Variants in PBX3 observed in about 807,000 individuals in gnomAD.
PBX3 encodes the protein PBX homeobox 3.
A neutral mutation model predicts 48.5 loss-of-function variants in PBX3; 14 were observed. The ratio of observed to expected loss-of-function variants is 0.29; its 90% CI spans 0.19 to 0.45. The LOEUF (loss-of-function observed/expected upper bound fraction) is 0.45, where lower values mean the gene tolerates loss of function less well. Ranked by LOEUF, PBX3 falls within the 20% of genes least tolerant of loss-of-function variation. PBX3 has a pLI of 1.00. For missense variants in PBX3, 386 were observed against 546.7 expected (o/e 0.71, Z 2.93); for synonymous variants, 210 against 200.3 (o/e 1.05, Z -0.41).
At chr9:125,833,891 C>T (rs547111054) in intron 2 of PBX3, among the ~76,000 whole-genome samples, 26 of 152,256 alleles carry the variant, frequency 1.7e-4, no homozygotes, top group Admixed American at 1.6e-3. Context: ...TCATAGATAA[C>T]TATGTTTAAC....
At chr9:125,919,567 G>C (rs1346040682) in intron 3 of PBX3, among the ~76,000 whole-genome samples, 1 of 151,890 alleles carries the variant, frequency 6.6e-6, no homozygotes, top group African/African-American at 2.4e-5. Context: ...AGTGAACATG[G>C]GTACTCTGAG....
At chr9:125,883,583 C>T (rs899391122) in intron 2 of PBX3, among the ~76,000 whole-genome samples, 2 of 151,380 alleles carry the variant, frequency 1.3e-5, no homozygotes, top group African/African-American at 2.4e-5. Context: ...ATCCTAGTTG[C>T]GTAGCCAATC....
chr9:125,796,510 A>G (rs546602747), intron 2 of PBX3, among the ~76,000 whole-genome samples: 21 of 152,288 alleles, frequency 1.4e-4, no homozygotes, highest in African/African-American at 4.8e-4. Flanking sequence ...CCTTACCACT[A>G]TCATGGATGT....
intron 2 of PBX3, among the ~76,000 whole-genome samples, chr9:125,905,363 G>A (rs1841045786): frequency 6.6e-6 from 1 of 151,896 alleles, no homozygotes; most frequent in Non-Finnish European, 1.5e-5. Context: ...GTTTTTAATT[G>A]TTCTAATGAG....
At chr9:125,793,473 A>G (rs567119772) in intron 2 of PBX3, among the ~76,000 whole-genome samples, 12 of 149,416 alleles carry the variant, frequency 8.0e-5, no homozygotes, top group African/African-American at 3.0e-4. Context: ...TCTGTCTGCC[A>G]GGTTGGAGTG....
At chr9:125,751,691 G>A (rs1475617165) in intron 2 of PBX3, among the ~76,000 whole-genome samples, 1 of 152,148 alleles carries the variant, frequency 6.6e-6, no homozygotes, top group African/African-American at 2.4e-5. Flanking sequence ...AAAAATAGTT[G>A]TTTATTTTAA....
intron 3 of PBX3, among the ~76,000 whole-genome samples, chr9:125,917,666 T>C (rs1841364708): frequency 1.3e-5 from 2 of 152,204 alleles, no homozygotes; most frequent in Non-Finnish European, 2.9e-5. Context: ...TTGCCTTTTC[T>C]AATATTCTGG....
At chr9:125,956,435 G>A (rs1237198387) in intron 5 of PBX3, among the ~76,000 whole-genome samples, 1 of 152,192 alleles carries the variant, frequency 6.6e-6, no homozygotes, top group Non-Finnish European at 1.5e-5. Flanking sequence ...TATGTGGAAA[G>A]CATTTTTACT....
intron 5 of PBX3, among the ~76,000 whole-genome samples, chr9:125,938,689 C>G (rs1417307192): frequency 6.6e-6 from 1 of 151,974 alleles, no homozygotes; most frequent in African/African-American, 2.4e-5. Flanking sequence ...TAAAAACGTC[C>G]AAGAAAGGCC....
intron 2 of PBX3, among the ~76,000 whole-genome samples, chr9:125,851,028 A>G (rs1839562290): frequency 6.6e-6 from 1 of 152,070 alleles, no homozygotes; most frequent in African/African-American, 2.4e-5. Context: ...GGAAAACTTG[A>G]TAGGTTTAAT....
chr9:125,927,606 G>A (rs574743945), intron 3 of PBX3, among the ~76,000 whole-genome samples: 1 of 152,310 alleles, frequency 6.6e-6, no homozygotes, highest in East Asian at 1.9e-4. Flanking sequence ...GCAGTAAGAT[G>A]CAGAATTTCC....
chr9:125,777,610 C>T (rs902241396), intron 2 of PBX3, among the ~76,000 whole-genome samples: 2 of 151,580 alleles, frequency 1.3e-5, no homozygotes, highest in East Asian at 2.0e-4. Context: ...GCAATCTGCC[C>T]GCCTCGGCCT....
chr9:125,913,971 T>C (rs1841265792), intron 2 of PBX3, among the ~76,000 whole-genome samples: 1 of 152,180 alleles, frequency 6.6e-6, no homozygotes, highest in Non-Finnish European at 1.5e-5. Flanking sequence ...AAACTTGCTA[T>C]GTGAACTACA....
At chr9:125,794,701 T>TG (rs1564658727) in intron 2 of PBX3, among the ~76,000 whole-genome samples, 2 of 20,036 alleles carry the variant, frequency 1.0e-4, no homozygotes, top group Admixed American at 1.4e-3. Context: ...CTCATGGCTG[T>TG]TTTTTTTTTT....
At chr9:125,911,877 T>C (rs988573211) in intron 2 of PBX3, among the ~76,000 whole-genome samples, 13 of 152,306 alleles carry the variant, frequency 8.5e-5, no homozygotes, top group African/African-American at 2.9e-4. Flanking sequence ...ATCATTATTA[T>C]GGATATTATC....
intron 3 of PBX3, among the ~76,000 whole-genome samples, chr9:125,919,217 CTTT>C (rs929986536): frequency 7.0e-6 from 1 of 143,882 alleles, no homozygotes; most frequent in African/African-American, 2.5e-5. Context: ...AACTTTTTAA[CTTT>C]TTTTTTTTTT....
At chr9:125,792,404 G>A (rs1358914762) in intron 2 of PBX3, among the ~76,000 whole-genome samples, 1 of 152,072 alleles carries the variant, frequency 6.6e-6, no homozygotes, top group Non-Finnish European at 1.5e-5. Flanking sequence ...AGATGTAGGA[G>A]GTAGCCAGAA....
At chr9:125,805,664 A>G (rs1177577462) in intron 2 of PBX3, among the ~76,000 whole-genome samples, 6 of 152,182 alleles carry the variant, frequency 3.9e-5, no homozygotes, top group Admixed American at 2.6e-4. Flanking sequence ...GCTTGGAAGG[A>G]AGGAGTCAAG....
At chr9:125,861,181 G>A (rs992565456) in intron 2 of PBX3, among the ~76,000 whole-genome samples, 2 of 151,904 alleles carry the variant, frequency 1.3e-5, no homozygotes, top group African/African-American at 4.8e-5. Context: ...TGTGGTCCTA[G>A]CTACCCGGGA....
Sources: allele counts gnomAD v4.1 joint callset (sites outside exome capture counted in the v4.1 genomes callset), GRCh38; gene constraint gnomAD v4.1.1; transcripts MANE v1.5; gene names NCBI Gene and HGNC (gene_info 2026-07-23, HGNC 2026-07-21).